Variants in SPIN1 observed in about 807,000 individuals in gnomAD.
SPIN1 encodes spindlin 1.
Under a neutral mutation model 26.0 loss-of-function variants are expected in SPIN1, and 3 were observed. That is an observed-to-expected ratio of 0.12 (90% confidence interval 0.05 to 0.30). The LOEUF is 0.30. SPIN1 is among the 10% of genes least tolerant of loss of function. The probability of loss-of-function intolerance (pLI) is 1.00; values close to 1 mark genes in which losing one functional copy is unlikely to be tolerated. For missense variants in SPIN1, 126 were observed against 333.4 expected (o/e 0.38, Z 4.84); for synonymous variants, 101 against 116.5 (o/e 0.87, Z 0.86).
At chr9:88,455,951 CT>C (rs1828462481) in intron 3 of SPIN1, among the ~76,000 whole-genome samples, 1 of 152,170 alleles carries the variant, frequency 6.6e-6, no homozygotes, top group Non-Finnish European at 1.5e-5. Flanking sequence ...GACCCCAGTT[CT>C]TTAAATTCTT....
chr9:88,441,414 T>TGTGTGTGTGTGTGTGTGTGCGC, intron 2 of SPIN1, among the ~76,000 whole-genome samples: 3 of 141,202 alleles, frequency 2.1e-5, no homozygotes, highest in South Asian at 2.3e-4. Flanking sequence ...TGTGTGTGTG[T>TGTGTGTGTGTGTGTGTGTGCGC]GCGCGCGCGC....
intron 1 of SPIN1, among the ~76,000 whole-genome samples, chr9:88,405,386 G>A (rs1487718578): frequency 1.4e-5 from 2 of 147,662 alleles, no homozygotes. Flanking sequence ...GCGCCACCAT[G>A]CCCGGCTAAT....
At chr9:88,421,826 A>G (rs1407343274) in intron 1 of SPIN1, among the ~76,000 whole-genome samples, 1 of 151,534 alleles carries the variant, frequency 6.6e-6, no homozygotes, top group Non-Finnish European at 1.5e-5. Flanking sequence ...CATCACCTGT[A>G]TTTCTGTAAA....
intron 3 of SPIN1, among the ~76,000 whole-genome samples, chr9:88,450,883 G>A (rs1828340287): frequency 6.6e-6 from 1 of 152,156 alleles, no homozygotes; most frequent in South Asian, 2.1e-4. Context: ...AGGGATGGCT[G>A]CATGGAGCTT....
chr9:88,432,333 C>A (rs2118049425), intron 2 of SPIN1, among the ~76,000 whole-genome samples: 1 of 151,998 alleles, frequency 6.6e-6, no homozygotes, highest in East Asian at 1.9e-4. Flanking sequence ...GAATTACAGG[C>A]ATGCGCTACT....
intron 4 of SPIN1, among the ~76,000 whole-genome samples, chr9:88,464,832 G>T (rs1403395723): frequency 6.6e-6 from 1 of 151,930 alleles, no homozygotes; most frequent in African/African-American, 2.4e-5. Flanking sequence ...AAGTACATTC[G>T]CATTGTTGAA....
At chr9:88,438,539 G>C (rs900820432) in intron 2 of SPIN1, among the ~76,000 whole-genome samples, 3 of 152,164 alleles carry the variant, frequency 2.0e-5, no homozygotes, top group Non-Finnish European at 2.9e-5. Flanking sequence ...GGGCAAAGTA[G>C]TCTTTAGATT....
intron 5 of SPIN1, among the ~76,000 whole-genome samples, chr9:88,474,583 A>C (rs1420590012): frequency 6.6e-6 from 1 of 152,236 alleles, no homozygotes; most frequent in Non-Finnish European, 1.5e-5. Context: ...AATGGTACTT[A>C]GGCATTTTAA....
At chr9:88,413,068 T>G (rs990980417) in intron 1 of SPIN1, among the ~76,000 whole-genome samples, 8 of 143,148 alleles carry the variant, frequency 5.6e-5, no homozygotes, top group Non-Finnish European at 8.9e-5. Context: ...AAATTAAGTT[T>G]TTTTTTTTTT....
intron 2 of SPIN1, among the ~76,000 whole-genome samples, chr9:88,433,659 C>T (rs975933259): frequency 2.6e-5 from 4 of 152,256 alleles, no homozygotes; most frequent in African/African-American, 7.2e-5. Context: ...ACTCATCTCT[C>T]ATATTTTCTT....
intron 1 of SPIN1, chr9:88,410,800 C>A: frequency 1.0e-6 from 1 of 996,982 alleles, no homozygotes; most frequent in Non-Finnish European, 1.6e-6. Flanking sequence ...ACCATGACCA[C>A]TGAAGTTTCC....
intron 3 of SPIN1, among the ~76,000 whole-genome samples, chr9:88,456,914 T>C (rs1828483613): frequency 6.6e-6 from 1 of 152,068 alleles, no homozygotes; most frequent in Non-Finnish European, 1.5e-5. Flanking sequence ...GCATGTTCAT[T>C]AAAAAGAAAA....
chr9:88,401,893 T>C (rs957532150), intron 1 of SPIN1, among the ~76,000 whole-genome samples: 5 of 152,254 alleles, frequency 3.3e-5, no homozygotes, highest in Non-Finnish European at 5.9e-5. Context: ...TAATACATAA[T>C]ATTTTACATC....
At chr9:88,425,514 C>A (rs1827746790) in intron 1 of SPIN1, among the ~76,000 whole-genome samples, 1 of 151,904 alleles carries the variant, frequency 6.6e-6, no homozygotes, top group Non-Finnish European at 1.5e-5. Flanking sequence ...CCCATCTTTA[C>A]TAAAAATACA....
At chr9:88,389,233 C>CGGGTTGCGTGCTCTGGAGAG (rs1279125921) in intron 1 of SPIN1, 1 of 152,226 alleles carries the variant, frequency 6.6e-6, no homozygotes, top group Non-Finnish European at 1.5e-5. Context: ...GCGCGGCGAA[C>CGGGTTGCGTGCTCTGGAGAG]GGGTTGCGTG....
chr9:88,388,824 C>T (rs1259558857), intron 1 of SPIN1, among the ~76,000 whole-genome samples: 1 of 150,654 alleles, frequency 6.6e-6, no homozygotes, highest in Admixed American at 6.6e-5. Context: ...TGGCCGCCAC[C>T]CTCTCGTCCC....
At chr9:88,454,789 T>G (rs1828437470) in intron 3 of SPIN1, among the ~76,000 whole-genome samples, 1 of 152,198 alleles carries the variant, frequency 6.6e-6, no homozygotes, top group African/African-American at 2.4e-5. Context: ...ACAGTCTAGG[T>G]TTGTTTAAAT....
chr9:88,439,487 G>T lies in SPIN1; in HGVS notation c.53-9454G>T, dbSNP rs1455982681. Among the ~76,000 whole-genome samples, 7 of 152,176 alleles carry T rather than the reference G, an allele frequency of 4.6e-5. No homozygotes were observed. In the East Asian group the frequency reaches 1.3e-3, roughly 29 times the overall value. ...TATATGAAACATAAATAAATTTTGT[G>T]TTTAAACTTGGGTCCCATTCCCAAG... On this transcript the variant is annotated intron_variant, in intron 2 of 5. Coordinates refer to ENST00000375859, the MANE Select transcript of SPIN1 (RefSeq NM_006717.3).
chr9:88,409,571 C>T (rs983634833), intron 1 of SPIN1, among the ~76,000 whole-genome samples: 3 of 151,820 alleles, frequency 2.0e-5, no homozygotes, highest in African/African-American at 7.3e-5. Context: ...TGCGGTGGCT[C>T]ATTCCTGTAA....
Sources: allele counts gnomAD v4.1 joint callset (sites outside exome capture counted in the v4.1 genomes callset), GRCh38; gene constraint gnomAD v4.1.1; transcripts MANE v1.5; gene names NCBI Gene and HGNC (gene_info 2026-07-23, HGNC 2026-07-21).